ZGPAT: variants seen among roughly 807,000 people sequenced by gnomAD.
ZGPAT encodes the protein zinc finger CCCH-type and G-patch domain containing, also known as zinc finger CCCH-type with G patch domain-containing protein.
Under a neutral mutation model 47.9 loss-of-function variants are expected in ZGPAT, and 39 were observed. The observed-to-expected ratio is 0.81, with a 90% CI of 0.63 to 1.06. The LOEUF is 1.06. Ranked by LOEUF, ZGPAT falls within the 50% of genes least tolerant of loss-of-function variation. The probability of loss-of-function intolerance (pLI) is 0.00; values close to 1 mark genes in which losing one functional copy is unlikely to be tolerated. For synonymous variants in ZGPAT, 348 were observed against 292.9 expected (o/e 1.19, Z -1.92); for missense variants, 717 against 681.4 (o/e 1.05, Z -0.58).
At chr20:63,732,043 AGT>A (rs1468149216) in intron 2 of ZGPAT, among the ~76,000 whole-genome samples, 1 of 152,160 alleles carries the variant, frequency 6.6e-6, no homozygotes, top group East Asian at 1.9e-4. Context: ...TGTGTATGCA[AGT>A]GTGAGTGTGT....
chr20:63,732,922 CT>C (rs750004886), intron 2 of ZGPAT, among the ~76,000 whole-genome samples: 20 of 151,138 alleles, frequency 1.3e-4, no homozygotes, highest in Admixed American at 2.0e-4. Context: ...GTGTATATGC[CT>C]GCATGTATAT....
At chr20:63,721,763 C>G (rs1177648571) in intron 2 of ZGPAT, among the ~76,000 whole-genome samples, 1 of 152,048 alleles carries the variant, frequency 6.6e-6, no homozygotes, top group African/African-American at 2.4e-5. Context: ...TACCTGTTAT[C>G]CCAGCACTTT....
chr20:63,736,019 G>A lies in ZGPAT; in HGVS notation c.*100G>A. 6.6e-7 allele frequency: 1 copy of A among 1,508,062 alleles called. No homozygotes were observed. Among genetic ancestry groups the A allele is most frequent in the South Asian group, 1.3e-5 (1 of 76,586 alleles). The allele number at this position is 1,508,062 out of a possible 1,614,324, so 93.4% of individuals were successfully genotyped here. A position where few individuals can be genotyped will look rare whatever the true frequency, so the allele number is the denominator to read the frequency against. ...GGAGGGGCCGGCCTGCTGGCCTGGG[G>A]CGTGCAGACACTGCTGAGTGGAGAC... On this transcript the variant is annotated 3_prime_UTR_variant, in exon 7 of 7. Transcript: ENST00000355969.
At chr20:63,708,500 GGC>G (rs2091601299) in intron 1 of ZGPAT, 51 bp from the exon 2 acceptor site, 3 of 1,364,794 alleles carry the variant, frequency 2.2e-6, no homozygotes, top group Non-Finnish European at 3.0e-6. Context: ...CCCGCCCTCA[GGC>G]TGTGGGGTCG....
intron 2 of ZGPAT, among the ~76,000 whole-genome samples, chr20:63,722,084 G>C (rs866593515): frequency 6.6e-6 from 1 of 151,782 alleles, no homozygotes; most frequent in African/African-American, 2.4e-5. Context: ...GAGAGAGTTC[G>C]AGGGGGTGAA....
rs185760188 is a variant in ZGPAT at position 63,734,915 on chromosome 20, C to T, written c.991+91C>T. The T allele has an allele frequency of 7.9e-5, 115 of 1,450,534 alleles. No individual in the cohort carries two copies. In the East Asian group the frequency reaches 2.6e-3, roughly 33 times the overall value. The allele number at this position is 1,450,534 out of a possible 1,614,324, so 89.9% of individuals were successfully genotyped here. A position where few individuals can be genotyped will look rare whatever the true frequency, so the allele number is the denominator to read the frequency against. On this transcript the variant is annotated intron_variant, in intron 5 of 6. Transcript: ENST00000355969. ...CAGGTTCCCGGGGTCCCGCAGCCAT[C>T]GGGTTCCCAGGGTCCCGCAGCCACA...
intron 4 of ZGPAT, 78 bp downstream of exon 4, chr20:63,733,817 A>G: frequency 1.3e-6 from 2 of 1,531,100 alleles, no homozygotes; most frequent in African/African-American, 1.4e-5. Flanking sequence ...GAGGGCACCA[A>G]CCATCTAACC....
At chr20:63,735,115 CG>C in intron 5 of ZGPAT, 43 bp from the exon 6 acceptor site, 1 of 1,478,472 alleles carries the variant, frequency 6.8e-7, no homozygotes, top group Non-Finnish European at 8.9e-7. Flanking sequence ...CTCAGATTCC[CG>C]GGGTCCCGCA....
At chr20:63,730,324 A>G (rs2091884773) in intron 2 of ZGPAT, 1 of 152,246 alleles carries the variant, frequency 6.6e-6, no homozygotes, top group African/African-American at 2.4e-5. Flanking sequence ...AGTAGGCACT[A>G]GAAGGAACCG....
intron 2 of ZGPAT, among the ~76,000 whole-genome samples, chr20:63,721,353 A>T (rs2091785638): frequency 7.0e-6 from 1 of 142,394 alleles, no homozygotes. Flanking sequence ...CTCTGTCTCA[A>T]ATAAAAAAAA....
At chr20:63,731,906 GAT>G (rs2091908364) in intron 2 of ZGPAT, among the ~76,000 whole-genome samples, 1 of 152,238 alleles carries the variant, frequency 6.6e-6, no homozygotes, top group African/African-American at 2.4e-5. Flanking sequence ...ATCTAGGGAT[GAT>G]TTAAAGTACG....
At chr20:63,732,520 T>G (rs545799678) in intron 2 of ZGPAT, among the ~76,000 whole-genome samples, 1 of 151,898 alleles carries the variant, frequency 6.6e-6, no homozygotes, top group East Asian at 1.9e-4. Context: ...TGCGCGCGTG[T>G]GGGTGAGATG....
Position 63,735,772 on chromosome 20 carries a change from C to T in ZGPAT, c.1398-9C>T, listed in dbSNP as rs1328166645. On this transcript the variant is annotated splice_polypyrimidine_tract_variant and intron_variant, in intron 6 of 6. Coordinates refer to ENST00000355969, the MANE Select transcript of ZGPAT (RefSeq NM_181485.3). Reference sequence around the variant, plus strand: ...AGGACCCCACGCTGACTAGTGAGCCCCTCCGCAGGCATAGCGTGGCGTCAG... The same window carrying T: ...AGGACCCCACGCTGACTAGTGAGCCTCTCCGCAGGCATAGCGTGGCGTCAG... 1.9e-6 allele frequency: 3 copies of T among 1,590,680 alleles called. No homozygotes were observed. The highest frequency in any genetic ancestry group is 1.8e-5 in the Admixed American group (1 of 55,868).
At chr20:63,711,601 CTT>C (rs749955563) in intron 2 of ZGPAT, among the ~76,000 whole-genome samples, 9 of 144,502 alleles carry the variant, frequency 6.2e-5, no homozygotes, top group Admixed American at 7.0e-5. Context: ...TGCGTTGGAC[CTT>C]TTTTTTTTTT....
intron 2 of ZGPAT, among the ~76,000 whole-genome samples, chr20:63,732,572 T>C (rs528185333): frequency 1.4e-4 from 21 of 152,228 alleles, no homozygotes; most frequent in African/African-American, 4.8e-4. Context: ...TGTATTTGCA[T>C]GAGTTCATGT....
chr20:63,733,441 T>C, intron 3 of ZGPAT, 89 bp downstream of exon 3: 2 of 1,596,770 alleles, frequency 1.3e-6, no homozygotes, highest in East Asian at 4.5e-5. Context: ...TTCCTTTGGG[T>C]TGAGTGTCGG....
Position 63,735,405 on chromosome 20 carries a change from G to C in ZGPAT, c.1238G>C (p.Gly413Ala), listed in dbSNP as rs1237809773. The change falls in exon 6 of 7, where the codon GGG becomes GCG. Residue 413 changes from glycine to alanine, a missense_variant. Transcript: ENST00000355969. ...CAGGCTCCTGGGGCCCTAGAAGCCGGGGCGGCCCCAGCGGGGAGGAGGAGC... is the reference window on the plus strand; with the variant it reads ...CAGGCTCCTGGGGCCCTAGAAGCCGCGGCGGCCCCAGCGGGGAGGAGGAGC... ...QGQAPGALEA[G>A]AAPAGRRSKD... 2 of 1,566,120 alleles carry C rather than the reference G, an allele frequency of 1.3e-6. No individual in the cohort carries two copies. Among genetic ancestry groups the C allele is most frequent in the South Asian group, 2.4e-5 (2 of 83,550 alleles).
At position 63,709,145 on chromosome 20, in the gene ZGPAT, C is replaced by T. The variant is rs769165453; in HGVS notation, c.565C>T (p.Arg189Cys). 7 of 1,611,114 alleles carry T rather than the reference C, an allele frequency of 4.3e-6. No homozygotes were observed. Among genetic ancestry groups the T allele is most frequent in the East Asian group, 4.5e-5 (2 of 44,890 alleles). ...PCPFFLEGKC[R>C]FKENCRFSHG... The stretch of plus-strand genomic sequence containing the variant: ...CCCGTTCTTCCTGGAGGGAAAGTGC[C>T]GCTTTAAGGAGAACTGCAGGTAAAG... The change falls in exon 2 of 7, where the codon CGC becomes TGC. Residue 189 changes from arginine (R) to cysteine (C), a missense_variant. By Grantham distance (180) the Arg-to-Cys change is radical. Coordinates refer to ENST00000355969, the MANE Select transcript of ZGPAT (RefSeq NM_181485.3).
At chr20:63,715,674 A>G (rs941342339) in intron 2 of ZGPAT, among the ~76,000 whole-genome samples, 7 of 152,084 alleles carry the variant, frequency 4.6e-5, no homozygotes, top group African/African-American at 1.7e-4. Context: ...TTTTCTTGGC[A>G]TGTCTTTGTA....
Sources: gnomAD v4.1 joint callset for allele counts (sites outside exome capture counted in the v4.1 genomes callset) on GRCh38, gnomAD v4.1.1 for gene constraint, MANE v1.5 for transcripts, NCBI Gene and HGNC (gene_info 2026-07-23, HGNC 2026-07-21) for gene names.